HRG: variants seen among roughly 807,000 people sequenced by gnomAD.
HRG encodes histidine rich glycoprotein.
Under a neutral mutation model 29.5 loss-of-function variants are expected in HRG, and 26 were observed. The observed-to-expected ratio is 0.88, with a 90% CI of 0.65 to 1.22. The LOEUF (loss-of-function observed/expected upper bound fraction) is 1.22, where lower values mean the gene tolerates loss of function less well. HRG is among the 50% of genes most tolerant of loss of function. The pLI, the probability that HRG is intolerant of heterozygous loss-of-function variation, is 0.00. For synonymous variants in HRG, 243 were observed against 240.4 expected (o/e 1.01, Z -0.10); for missense variants, 671 against 654.5 (o/e 1.03, Z -0.28).
In HRG at chr3:186,677,805, C is replaced by T. The variant is rs760886196; in HGVS notation, c.1500C>T (p.Val500=). 26 of 1,614,046 alleles carry T rather than the reference C, an allele frequency of 1.6e-5. No homozygotes were observed. The highest frequency in any genetic ancestry group is 3.3e-4 in the Middle Eastern group (2 of 6,084). ...KPDNQPFPQS[V]SESCPGKFKS... ...ACAATCAGCCCTTTCCTCAATCAGT[C>T]TCTGAATCATGTCCAGGGAAGTTCA... The change falls in exon 7 of 7, where the codon GTC becomes GTT. Residue 500 remains valine, a synonymous_variant. Transcript: ENST00000232003.
Position 186,678,003 on chromosome 3 carries a change from A to C in HRG, c.*120A>C, listed in dbSNP as rs1719064265. ...CCTACTTTCATACTGAAGATGCAGC[A>C]AAATGTGAATGGGAAAAGAGATGGC... is the stretch of plus-strand genomic sequence containing the variant. On this transcript the variant is annotated 3_prime_UTR_variant, in exon 7 of 7. Transcript: ENST00000232003. 1 of 986,898 alleles carries C rather than the reference A, an allele frequency of 1.0e-6. No homozygotes were observed. The highest frequency in any genetic ancestry group is 2.6e-5 in the East Asian group (1 of 38,212). The allele number at this position is 986,898 out of a possible 1,614,324, so 61.1% of individuals were successfully genotyped here.
At chr3:186,670,921 G>A (rs1464823186) in intron 3 of HRG, among the ~76,000 whole-genome samples, 1 of 152,020 alleles carries the variant, frequency 6.6e-6, no homozygotes, top group Admixed American at 6.6e-5. Flanking sequence ...ATCCAAATAT[G>A]ATATTATATA....
At chr3:186,669,740 G>A in intron 2 of HRG, 198 bp from the exon 3 acceptor site, 1 of 619,950 alleles carries the variant, frequency 1.6e-6, no homozygotes, top group Non-Finnish European at 2.9e-6. Flanking sequence ...TTCTCCTGAG[G>A]ATTTTGAGTG....
intron 1 of HRG, among the ~76,000 whole-genome samples, chr3:186,668,255 A>G (rs1718673792): frequency 1.3e-5 from 2 of 152,110 alleles, no homozygotes. Context: ...GTAGAAAGCT[A>G]TTTATGTATT....
rs1441195918 is a variant in HRG at position 186,666,056 on chromosome 3, C to T, written c.25C>T (p.Leu9Phe). Residue 9 changes from leucine (L) to phenylalanine (F), a missense_variant, in exon 1 of 7, where the codon CTT becomes TTT. By Grantham distance (22) the Leu-to-Phe change is conservative. Coordinates refer to ENST00000232003, the MANE Select transcript of HRG (RefSeq NM_000412.5). ...AATGAAGGCACTCATTGCAGCACTG[C>T]TTTTGATCACATTGCAGTATTCGTG... MKALIAAL[L>F]LITLQYSCAV... The T allele has an allele frequency of 1.2e-6, 2 of 1,614,108 alleles. No homozygotes were observed. The highest frequency in any genetic ancestry group is 1.7e-6 in the Non-Finnish European group (2 of 1,180,024).
intron 1 of HRG, among the ~76,000 whole-genome samples, chr3:186,667,672 G>A (rs915455733): frequency 6.6e-6 from 1 of 151,938 alleles, no homozygotes; most frequent in African/African-American, 2.4e-5. Flanking sequence ...ATGTGTTCCT[G>A]GTGAATTCCT....
At position 186,671,772 on chromosome 3, in the gene HRG, G is replaced by A. The variant is rs138389406; in HGVS notation, c.541G>A (p.Glu181Lys). 36 of 1,613,820 alleles carry A rather than the reference G, an allele frequency of 2.2e-5. 1 individual carries two copies. The African/African-American group carries it at 2.3e-4, about 10-fold the overall frequency. ...DFASFRVDRI[E>K]RVARVRGGEG... ...TGCCTCTTTCAGAGTGGACCGAATCGAGAGAGTTGCAAGAGTGGTGAGTCT... is the reference window on the plus strand; with the variant it reads ...TGCCTCTTTCAGAGTGGACCGAATCAAGAGAGTTGCAAGAGTGGTGAGTCT... The change falls in exon 4 of 7, where the codon GAG becomes AAG. Residue 181 changes from glutamate (E) to lysine (K), a missense_variant. Transcript: ENST00000232003.
intron 5 of HRG, 131 bp from the exon 6 acceptor site, chr3:186,674,958 G>T: frequency 1.3e-6 from 1 of 748,704 alleles, no homozygotes; most frequent in Non-Finnish European, 2.5e-6. Flanking sequence ...CGACTGGTGG[G>T]AATATCTGAT....
chr3:186,676,249 G>T (rs16860992), intron 6 of HRG, among the ~76,000 whole-genome samples: 1 of 151,750 alleles, frequency 6.6e-6, no homozygotes, highest in African/African-American at 2.4e-5. Flanking sequence ...TAGGAGTAAG[G>T]GATGTTGATA....
At position 186,677,902 on chromosome 3, in the gene HRG, AG is replaced by A. The variant is rs919092544; in HGVS notation, c.*21del. 3 of 1,596,600 alleles carry A rather than the reference AG, an allele frequency of 1.9e-6. No individual in the cohort carries two copies. Among genetic ancestry groups the A allele is most frequent in the Non-Finnish European group, 2.6e-6 (3 of 1,164,242 alleles). On this transcript the variant is annotated 3_prime_UTR_variant, in exon 7 of 7. Coordinates refer to ENST00000232003, the MANE Select transcript of HRG (RefSeq NM_000412.5). ...AAAATAAAATGTGATTCCTTTGAAG[AG>A]GAAAATGAATAATACATTGAATTAG...
At chr3:186,675,263 C>A in intron 6 of HRG, 73 bp downstream of exon 6, 2 of 854,696 alleles carry the variant, frequency 2.3e-6, no homozygotes, top group Non-Finnish European at 4.0e-6. Flanking sequence ...AGTGTTGTTG[C>A]TTCCTAAAGC....
chr3:186,676,831 C>A (rs1284950580), intron 6 of HRG, among the ~76,000 whole-genome samples: 1 of 151,912 alleles, frequency 6.6e-6, no homozygotes, highest in Non-Finnish European at 1.5e-5. Context: ...AAAATAGTTT[C>A]TTTTGTGAAA....
At position 186,666,075 on chromosome 3, in the gene HRG, A is replaced by T; in HGVS notation, c.44A>T (p.Tyr15Phe). ...GCACTGCTTTTGATCACATTGCAGTATTCGTGTGCCGTGAGTCCCACTGAC... is the reference window on the plus strand; with the variant it reads ...GCACTGCTTTTGATCACATTGCAGTTTTCGTGTGCCGTGAGTCCCACTGAC... ...IAALLLITLQ[Y>F]SCAVSPTDCS... Residue 15 changes from tyrosine to phenylalanine, a missense_variant, in exon 1 of 7, where the codon TAT becomes TTT. By Grantham distance (22) the Tyr-to-Phe change is conservative (BLOSUM62 3). Transcript: ENST00000232003. 1 of 1,614,236 alleles carries T rather than the reference A, an allele frequency of 6.2e-7. No homozygotes were observed. The highest frequency in any genetic ancestry group is 8.5e-7 in the Non-Finnish European group (1 of 1,180,022).
intron 5 of HRG, chr3:186,673,278 A>G (rs9866126): frequency 0.41 from 121,964 of 295,818 alleles, 27,178 homozygotes; most frequent in East Asian, 0.6. Context: ...TAATTTTTGT[A>G]TTTTTAGTAG....
chr3:186,675,296 T>TGAGAGAGA lies in HRG; in HGVS notation c.741+107_741+108insAGAGAGAG, dbSNP rs1231802917. 2.0e-3 allele frequency: 1,197 copies of TGAGAGAGA among 584,472 alleles called. 33 individuals are homozygous for TGAGAGAGA. Among genetic ancestry groups the TGAGAGAGA allele is most frequent in the East Asian group, 8.3e-3 (215 of 25,806 alleles). The allele number at this position is 584,472 out of a possible 1,614,324, so 36.2% of individuals were successfully genotyped here. A position where few individuals can be genotyped will look rare whatever the true frequency, so the allele number is the denominator to read the frequency against. On this transcript the variant is annotated intron_variant, in intron 6 of 6. Coordinates refer to ENST00000232003, the MANE Select transcript of HRG (RefSeq NM_000412.5). The stretch of plus-strand genomic sequence containing the variant: ...AGCTCTATGAGTGGGTGTGTGTGTG[T>TGAGAGAGA]GTGTGTGTGTGTGAGAGAGAGAGAG...
rs1249505921 is a variant in HRG at position 186,672,798 on chromosome 3, AG to A, written c.572del (p.Gly191GlufsTer36). The part of the protein sequence containing the change: ...ERVARVRGGE[G>X]TGYFVDFSVR... ...CCCATCTGTTCTAGAGAGGAGGGGA[AG>A]GAACTGGTTACTTCGTGGACTTCTC... On this transcript the variant is annotated frameshift_variant, in exon 5 of 7. Coordinates refer to ENST00000232003, the MANE Select transcript of HRG (RefSeq NM_000412.5). LOFTEE classifies it high-confidence loss of function. The A allele has an allele frequency of 1.4e-5, 22 of 1,610,142 alleles. No homozygotes were observed. In the African/African-American group the frequency reaches 1.5e-4, roughly 11 times the overall value.
Position 186,669,008 on chromosome 3 carries a change from G to A in HRG, c.257G>A (p.Trp86Ter), listed in dbSNP as rs985594008. Residue 86 changes from tryptophan to a stop codon, truncating the protein, a stop_gained, in exon 2 of 7, where the codon TGG (tryptophan) becomes TAG (stop). Coordinates refer to ENST00000232003, the MANE Select transcript of HRG (RefSeq NM_000412.5). LOFTEE classifies it high-confidence loss of function. ...TGTTCGGTCCTATCCAGGAAATACT[G>A]GAATGACTGTGAGCCACCTGATTCC... ...SDCSVLSRKY[W>*]NDCEPPDSRR... is the part of the protein sequence containing the mutation. 6.2e-7 allele frequency: 1 copy of A among 1,611,710 alleles called. No individual in the cohort carries two copies. The highest frequency in any genetic ancestry group is 8.5e-7 in the Non-Finnish European group (1 of 1,177,814).
In HRG at chr3:186,667,512, C is replaced by A. The variant is rs1718651602; in HGVS notation, c.183+1298C>A. Among the ~76,000 whole-genome samples, 3 of 152,070 alleles carry A rather than the reference C, an allele frequency of 2.0e-5. No individual in the cohort carries two copies. In the South Asian group the frequency reaches 6.2e-4, roughly 32 times the overall value. On this transcript the variant is annotated intron_variant, in intron 1 of 6. Transcript: ENST00000232003. ...GCCAAAAGTACCATACTTTGAGATA[C>A]CATGTTCTGAGCCCCAACAATAGCC...
chr3:186,668,179 G>C lies in HRG; in HGVS notation c.184-756G>C, dbSNP rs150089820. Among the ~76,000 whole-genome samples, 470 of 152,324 alleles carry C rather than the reference G, an allele frequency of 3.1e-3. 3 individuals carry two copies. Among genetic ancestry groups the C allele is most frequent in the Non-Finnish European group, 4.6e-3 (316 of 68,034 alleles). On this transcript the variant is annotated intron_variant, in intron 1 of 6. Coordinates refer to ENST00000232003, the MANE Select transcript of HRG (RefSeq NM_000412.5). Reference sequence around the variant, plus strand: ...AGCTGCCTCTGAGAGCTAGCATAGAGAGCGGGTGGATGGGGAGGGGTCCTG... The same window carrying C: ...AGCTGCCTCTGAGAGCTAGCATAGACAGCGGGTGGATGGGGAGGGGTCCTG...
Sources: gnomAD v4.1 joint callset for allele counts (sites outside exome capture counted in the v4.1 genomes callset) on GRCh38, gnomAD v4.1.1 for gene constraint, MANE v1.5 for transcripts, NCBI Gene and HGNC (gene_info 2026-07-23, HGNC 2026-07-21) for gene names.